Variants in CACNA1B observed in about 807,000 individuals in gnomAD.
The protein encoded by CACNA1B is voltage-dependent N-type calcium channel subunit alpha-1B.
Under a neutral mutation model 247.2 loss-of-function variants are expected in CACNA1B, and 70 were observed. That is an observed-to-expected ratio of 0.28 (90% confidence interval 0.23 to 0.35). The LOEUF is 0.35. Among genes scored for constraint, CACNA1B ranks in the 10% least tolerant of loss-of-function variants. CACNA1B has a pLI of 1.00. For missense variants in CACNA1B, 2,367 were observed against 3,197.4 expected (o/e 0.74, Z 6.26); for synonymous variants, 1,231 against 1,294.4 (o/e 0.95, Z 1.05).
rs1375379796 is a variant in CACNA1B at position 138,123,713 on chromosome 9, C to T, written c.*1714C>T. On this transcript the variant is annotated 3_prime_UTR_variant, in exon 47 of 47. Transcript: ENST00000371372. ...AAAACACACAAGACCGCTGCCTGGTCTCGGGGTTCAGCATGATTGTGACCA... is the reference window on the plus strand; with the variant it reads ...AAAACACACAAGACCGCTGCCTGGTTTCGGGGTTCAGCATGATTGTGACCA... 6.6e-6 allele frequency: 1 copy of T among 152,088 alleles called. No individual in the cohort carries two copies. Among genetic ancestry groups the T allele is most frequent in the Non-Finnish European group, 1.5e-5 (1 of 68,018 alleles). The allele number at this position is 152,088 out of a possible 1,614,324, so 9.4% of individuals were successfully genotyped here.
chr9:138,008,613 G>T (rs964862029), intron 16 of CACNA1B, among the ~76,000 whole-genome samples: 1 of 152,264 alleles, frequency 6.6e-6, no homozygotes, highest in Non-Finnish European at 1.5e-5. Context: ...GGTCACTGCT[G>T]TTGGCCTCAT....
In CACNA1B at chr9:137,881,870, G is replaced by A. The variant is rs1956926720; in HGVS notation, c.391-874G>A. Among the ~76,000 whole-genome samples, 1 of 152,206 alleles carries A rather than the reference G, an allele frequency of 6.6e-6. No individual in the cohort carries two copies. Among genetic ancestry groups the A allele is most frequent in the African/African-American group, 2.4e-5 (1 of 41,456 alleles). On this transcript the variant is annotated intron_variant, in intron 2 of 46. Coordinates refer to ENST00000371372, the MANE Select transcript of CACNA1B (RefSeq NM_000718.4). The surrounding 1 kb of genome is among the most constrained non-coding windows in gnomAD (Gnocchi z 4.3). ...GAAAGGGATCTTTTTAGGATCAGCT[G>A]TCTTCATTCCTTTGGCTGCTCTGTT...
chr9:137,879,004 T>C (rs770908594), intron 1 of CACNA1B, 50 bp from the exon 2 acceptor site: 5 of 1,251,168 alleles, frequency 4.0e-6, no homozygotes, highest in Non-Finnish European at 5.7e-6. Flanking sequence ...GGCGTCGGCC[T>C]CGTGTTTCCC....
chr9:137,952,449 T>G lies in CACNA1B; in HGVS notation c.1070+72T>G, dbSNP rs1422833291. ...GCTGAGGGGTCAACAGGGGCACGTG[T>G]GACACTTGGGGTGGGGGCCTGGCCC... On this transcript the variant is annotated intron_variant, in intron 7 of 46. Coordinates refer to ENST00000371372, the MANE Select transcript of CACNA1B (RefSeq NM_000718.4). The surrounding 1 kb of genome is among the most constrained non-coding windows in gnomAD (Gnocchi z 4.8). 1 of 1,295,212 alleles carries G rather than the reference T, an allele frequency of 7.7e-7. No individual in the cohort carries two copies. Among genetic ancestry groups the G allele is most frequent in the Admixed American group, 1.7e-5 (1 of 58,466 alleles). 80.2% of individuals were successfully genotyped at this position (1,295,212 alleles called of 1,614,324 possible).
rs2133279239 is a variant in CACNA1B, at chr9:137,914,523, C to A, written c.623-131C>A. On this transcript the variant is annotated intron_variant, in intron 4 of 46. Transcript: ENST00000371372. The surrounding 1 kb of genome is among the most constrained non-coding windows in gnomAD (Gnocchi z 4.3). ...TAAGGGGCTTCAGCTCTATCCTTTG[C>A]CCTTGCAAGCACTCACTGCTTAGCA... The A allele has an allele frequency of 1.4e-6, 1 of 709,090 alleles. No individual in the cohort carries two copies. Among genetic ancestry groups the A allele is most frequent in the Non-Finnish European group, 2.4e-6 (1 of 422,494 alleles). The allele number at this position is 709,090 out of a possible 1,614,324, so 43.9% of individuals were successfully genotyped here.
At chr9:138,075,181 G>A (rs1433878035) in intron 34 of CACNA1B, among the ~76,000 whole-genome samples, 2 of 152,186 alleles carry the variant, frequency 1.3e-5, no homozygotes, top group Admixed American at 1.3e-4. Context: ...TTCAGGGATT[G>A]AAGAGTTCTC....
At position 138,007,408 on chromosome 9, in the gene CACNA1B, C is replaced by T. The variant is rs775115942; in HGVS notation, c.2092+524C>T. Among the ~76,000 whole-genome samples, 3 of 82,062 alleles carry T rather than the reference C, an allele frequency of 3.7e-5. No homozygotes were observed. Among genetic ancestry groups the T allele is most frequent in the African/African-American group, 1.2e-4 (1 of 8,002 alleles). The allele number at this position is 82,062 out of a possible 152,430, so 53.8% of individuals were successfully genotyped here. ...CCCAGCCGCCGGTGGTGAGCTCTGCCCTAGCAAGGGACCATGATAGGGACA... is the reference window on the plus strand; with the variant it reads ...CCCAGCCGCCGGTGGTGAGCTCTGCTCTAGCAAGGGACCATGATAGGGACA... On this transcript the variant is annotated intron_variant, in intron 16 of 46. Coordinates refer to ENST00000371372, the MANE Select transcript of CACNA1B (RefSeq NM_000718.4). The surrounding 1 kb of genome is among the most constrained non-coding windows in gnomAD (Gnocchi z 4.1).
At position 138,077,171 on chromosome 9, in the gene CACNA1B, C is replaced by G. The variant is rs139995564; in HGVS notation, c.4950-943C>G. 3.2e-4 allele frequency among the ~76,000 whole-genome samples: 48 copies of G among 152,332 alleles called. No individual in the cohort carries two copies. In the East Asian group the frequency reaches 7.7e-3, roughly 24 times the overall value. On this transcript the variant is annotated intron_variant, in intron 35 of 46. Transcript: ENST00000371372. Reference sequence around the variant, plus strand: ...GAAGCAGCAGCCCTGCAGGAACCCCCCTGCCTCCGGCTGTCATCAGTGAGG... The same window carrying G: ...GAAGCAGCAGCCCTGCAGGAACCCCGCTGCCTCCGGCTGTCATCAGTGAGG...
At chr9:138,029,194 A>T (rs1471995426) in intron 20 of CACNA1B, among the ~76,000 whole-genome samples, 1 of 152,248 alleles carries the variant, frequency 6.6e-6, no homozygotes, top group South Asian at 2.1e-4. Flanking sequence ...GCAGTGCTCT[A>T]TTGGGAAATA....
At chr9:137,937,462 T>C (rs1041125201) in intron 6 of CACNA1B, among the ~76,000 whole-genome samples, 1 of 152,148 alleles carries the variant, frequency 6.6e-6, no homozygotes, top group African/African-American at 2.4e-5. Context: ...AACCTAAGAA[T>C]AATTGGCGTT....
Position 137,955,561 on chromosome 9 carries a change from C to A in CACNA1B, c.1071-137C>A, listed in dbSNP as rs1327074713. ...CTCAGGTTAGAAGAGGCCTGGGTGG[C>A]AGGGGCCTGCCTGAAGCAGCAGCCT... On this transcript the variant is annotated intron_variant, in intron 7 of 46. Transcript: ENST00000371372. The surrounding 1 kb of genome is among the most constrained non-coding windows in gnomAD (Gnocchi z 6.9). The A allele has an allele frequency of 5.0e-5, 32 of 633,666 alleles. No homozygotes were observed. The Admixed American group carries it at 6.7e-4, about 13-fold the overall frequency. The allele number at this position is 633,666 out of a possible 1,614,324, so 39.3% of individuals were successfully genotyped here.
At chr9:138,002,186 A>G (rs533369134) in intron 15 of CACNA1B, among the ~76,000 whole-genome samples, 1 of 152,320 alleles carries the variant, frequency 6.6e-6, no homozygotes, top group African/African-American at 2.4e-5. Context: ...AAAAGAACAG[A>G]CCAGAGAACC....
rs76332708 is a variant in CACNA1B, at chr9:137,988,488, G to T, written c.1974+1634G>T. On this transcript the variant is annotated intron_variant, in intron 15 of 46. Transcript: ENST00000371372. ...AGTGTGATGAGGGAGAGAAGTTGAAGTTGGGAGGAAAGTGGGCTTTTCTGA... is the reference window on the plus strand; with the variant it reads ...AGTGTGATGAGGGAGAGAAGTTGAATTTGGGAGGAAAGTGGGCTTTTCTGA... 3.4e-3 allele frequency among the ~76,000 whole-genome samples: 513 copies of T among 152,316 alleles called. 16 individuals are homozygous for T. In the East Asian group the frequency reaches 0.09, roughly 27 times the overall value.
At chr9:138,024,677 G>A (rs917116993) in intron 19 of CACNA1B, among the ~76,000 whole-genome samples, 15 of 152,132 alleles carry the variant, frequency 9.9e-5, no homozygotes, top group Non-Finnish European at 2.1e-4. Flanking sequence ...CGCCCAGGGT[G>A]GAGTGCAGTG....
At chr9:138,061,779 G>T (rs1959733588) in intron 31 of CACNA1B, among the ~76,000 whole-genome samples, 1 of 152,250 alleles carries the variant, frequency 6.6e-6, no homozygotes, top group Non-Finnish European at 1.5e-5. Flanking sequence ...TTCCAGGAGA[G>T]GGTGTTCTGA....
At position 137,986,017 on chromosome 9, in the gene CACNA1B, G is replaced by A. The variant is rs1958356790; in HGVS notation, c.1770-396G>A. ...CTGCTGTGGGCTGATGACAACAGTT[G>A]TGGGACTTGCTTCACATGGCACTGG... is the stretch of plus-strand genomic sequence containing the variant. On this transcript the variant is annotated intron_variant, in intron 13 of 46. Coordinates refer to ENST00000371372, the MANE Select transcript of CACNA1B (RefSeq NM_000718.4). This position sits in a 1 kb window ranked among gnomAD's most constrained non-coding sequence, Gnocchi z 6.0. Among the ~76,000 whole-genome samples, 1 of 152,238 alleles carries A rather than the reference G, an allele frequency of 6.6e-6. No homozygotes were observed. The highest frequency in any genetic ancestry group is 1.5e-5 in the Non-Finnish European group (1 of 68,034).
chr9:138,044,449 T>A (rs1286636229), intron 21 of CACNA1B, among the ~76,000 whole-genome samples: 1 of 152,154 alleles, frequency 6.6e-6, no homozygotes, highest in Non-Finnish European at 1.5e-5. Flanking sequence ...TGTGTGCTGG[T>A]GGGAGAGGCG....
chr9:138,098,862 C>T (rs1401901533), intron 37 of CACNA1B, among the ~76,000 whole-genome samples: 5 of 152,198 alleles, frequency 3.3e-5, no homozygotes, highest in African/African-American at 9.7e-5. Context: ...TCTGCCCCCA[C>T]GAGCAGCCTG....
chr9:137,892,347 C>G (rs929887927), intron 3 of CACNA1B: 2 of 456,746 alleles, frequency 4.4e-6, no homozygotes, highest in Non-Finnish European at 4.4e-6. Flanking sequence ...GTGGGCGGTG[C>G]TGATCCGATG....
Sources: gnomAD v4.1 joint callset for allele counts (sites outside exome capture counted in the v4.1 genomes callset) on GRCh38, gnomAD v4.1.1 for gene constraint, Gnocchi (gnomAD v3.1) non-coding constraint, MANE v1.5 for transcripts, NCBI Gene and HGNC (gene_info 2026-07-23, HGNC 2026-07-21) for gene names.